Variants in TMTC4 observed in about 807,000 individuals in gnomAD.
The protein encoded by TMTC4 is protein O-mannosyl-transferase TMTC4.
TMTC4 carries 65 observed loss-of-function variants against 86.0 expected under a neutral mutation model. The ratio of observed to expected loss-of-function variants is 0.76; its 90% CI spans 0.62 to 0.93. The LOEUF is 0.93. Ranked by LOEUF, TMTC4 falls within the 40% of genes least tolerant of loss-of-function variation. The pLI, the probability that TMTC4 is intolerant of heterozygous loss-of-function variation, is 0.00. For synonymous variants in TMTC4, 379 were observed against 382.5 expected (o/e 0.99, Z 0.11); for missense variants, 866 against 948.1 (o/e 0.91, Z 1.14).
chr13:100,625,763 T>C lies in TMTC4; in HGVS notation c.1694+22A>G. 4 of 1,610,892 alleles carry C rather than the reference T, an allele frequency of 2.5e-6. 1 individual carries two copies. The South Asian group carries it at 4.4e-5, about 18-fold the overall frequency. On this transcript the variant is annotated intron_variant, in intron 14 of 18. Coordinates refer to ENST00000342624, the MANE Select transcript of TMTC4 (RefSeq NM_032813.5). ...GGAGCTCCTTTCTTTGTCACTAGCA[T>C]AATTATAAAAACAATGCTTACTGTA... is the stretch of plus-strand genomic sequence containing the variant.
chr13:100,669,736 G>C (rs541656532), intron 2 of TMTC4, among the ~76,000 whole-genome samples: 1 of 151,876 alleles, frequency 6.6e-6, no homozygotes, highest in Non-Finnish European at 1.5e-5. Flanking sequence ...CTTGGAATTC[G>C]CCAAAACAAA....
upstream of TMTC4, chr13:100,674,863 C>A (rs538005073): frequency 1.9e-5 from 19 of 977,176 alleles, no homozygotes; most frequent in Admixed American, 6.2e-5. Context: ...CGACCCCCCC[C>A]GCGCCGCGCC....
chr13:100,637,197 T>C (rs1373719669), intron 9 of TMTC4, among the ~76,000 whole-genome samples: 1 of 152,156 alleles, frequency 6.6e-6, no homozygotes, highest in African/African-American at 2.4e-5. Flanking sequence ...ACTAGTCTTC[T>C]AAAGATACCA....
intron 6 of TMTC4, among the ~76,000 whole-genome samples, chr13:100,651,587 G>A (rs1009057373): frequency 1.3e-5 from 2 of 150,558 alleles, no homozygotes; most frequent in Non-Finnish European, 2.9e-5. Flanking sequence ...GATTCCAGAG[G>A]TTAGGACAGA....
At chr13:100,621,117 A>ATCT (rs1307895833) in intron 15 of TMTC4, among the ~76,000 whole-genome samples, 2 of 152,250 alleles carry the variant, frequency 1.3e-5, no homozygotes, top group Non-Finnish European at 2.9e-5. Context: ...GCTACAGATG[A>ATCT]TCTTCCAAGT....
chr13:100,668,878 T>C (rs1211464015), intron 2 of TMTC4, 84 bp from the exon 3 acceptor site: 7 of 1,303,164 alleles, frequency 5.4e-6, no homozygotes, highest in East Asian at 4.8e-5. Flanking sequence ...AAGAGCTAGA[T>C]AGTCATTTAT....
In TMTC4 at chr13:100,626,168, T is replaced by G; in HGVS notation, c.1507-18A>C. 1 of 1,613,526 alleles carries G rather than the reference T, an allele frequency of 6.2e-7. No individual in the cohort carries two copies. The highest frequency in any genetic ancestry group is 8.5e-7 in the Non-Finnish European group (1 of 1,179,490). Reference sequence around the variant, plus strand: ...TAGTGAACCTGCAGACAGAGAATAATTGGGCCATCAGCAGACAGACTTCTT... The same window carrying G: ...TAGTGAACCTGCAGACAGAGAATAAGTGGGCCATCAGCAGACAGACTTCTT... On this transcript the variant is annotated intron_variant, in intron 12 of 18. Transcript: ENST00000342624.
chr13:100,606,494 T>C, intron 17 of TMTC4, 67 bp from the exon 18 acceptor site: 2 of 1,343,880 alleles, frequency 1.5e-6, no homozygotes, highest in Non-Finnish European at 2.1e-6. Flanking sequence ...TTCCCAGTTT[T>C]ATCACCTACG....
At chr13:100,632,047 ACACACACTCTCTCTCTCT>A (rs1487017106) in intron 12 of TMTC4, among the ~76,000 whole-genome samples, 155 of 63,386 alleles carry the variant, frequency 2.4e-3, no homozygotes, top group East Asian at 5.3e-3. Context: ...ACACACACAC[ACACACACTCTCTCTCTCT>A]CTCTCTCTCT....
chr13:100,644,009 C>T (rs536828938), intron 6 of TMTC4, among the ~76,000 whole-genome samples: 8 of 152,068 alleles, frequency 5.3e-5, no homozygotes, highest in Admixed American at 5.2e-4. Context: ...CTTGTGAATA[C>T]TTGAGATAGA....
intron 7 of TMTC4, among the ~76,000 whole-genome samples, chr13:100,641,766 C>T (rs1021423884): frequency 1.3e-5 from 2 of 152,198 alleles, no homozygotes; most frequent in African/African-American, 2.4e-5. Context: ...GGATTACAGG[C>T]GTGAGCCATG....
intron 15 of TMTC4, among the ~76,000 whole-genome samples, chr13:100,621,682 T>C (rs900074107): frequency 3.9e-5 from 6 of 152,108 alleles, no homozygotes. Flanking sequence ...GCCTCGGCCT[T>C]CCAAAGTGCT....
In TMTC4 at chr13:100,623,823, T is replaced by C. The variant is rs779692278; in HGVS notation, c.1836+1712A>G. 70 of 442,758 alleles carry C rather than the reference T, an allele frequency of 1.6e-4. 1 individual carries two copies. Among genetic ancestry groups the C allele is most frequent in the Middle Eastern group, 7.0e-4 (2 of 2,862 alleles). The allele number at this position is 442,758 out of a possible 1,614,324, so 27.4% of individuals were successfully genotyped here. The stretch of plus-strand genomic sequence containing the variant: ...AGCTGGGGCATTGCTGGGTCTTGCC[T>C]TTGTGCGGCCAAAACCAGATGACAG... On this transcript the variant is annotated intron_variant, in intron 15 of 18. Transcript: ENST00000342624.
intron 3 of TMTC4, among the ~76,000 whole-genome samples, chr13:100,668,127 A>C (rs1350109206): frequency 6.6e-6 from 1 of 152,146 alleles, no homozygotes; most frequent in East Asian, 1.9e-4. Context: ...GAGAAGGACA[A>C]AGCGGCAGCC....
intron 7 of TMTC4, among the ~76,000 whole-genome samples, chr13:100,639,542 A>G (rs1882741792): frequency 1.3e-5 from 2 of 152,222 alleles, no homozygotes; most frequent in Non-Finnish European, 2.9e-5. Flanking sequence ...TCTTAAATGC[A>G]TCATCAAAAT....
chr13:100,633,895 T>C (rs919562103), intron 12 of TMTC4, among the ~76,000 whole-genome samples: 2 of 152,144 alleles, frequency 1.3e-5, no homozygotes, highest in South Asian at 2.1e-4. Flanking sequence ...AATCCCAGCA[T>C]CTGGGAGGCT....
Position 100,604,527 on chromosome 13 carries a change from T to TA in TMTC4, c.*466dup, listed in dbSNP as rs1404536770. 1 of 152,248 alleles carries TA rather than the reference T, an allele frequency of 6.6e-6. No homozygotes were observed. Among genetic ancestry groups the TA allele is most frequent in the Non-Finnish European group, 1.5e-5 (1 of 68,096 alleles). The allele number at this position is 152,248 out of a possible 1,614,324, so 9.4% of individuals were successfully genotyped here. The stretch of plus-strand genomic sequence containing the variant: ...AGTATGTTGTTTTAAAAAAAAGAGA[T>TA]AAAAAAACTTAATTTGCTTTGTCAT... On this transcript the variant is annotated 3_prime_UTR_variant, in exon 19 of 19. Coordinates refer to ENST00000342624, the MANE Select transcript of TMTC4 (RefSeq NM_032813.5).
At chr13:100,645,657 G>C (rs1302143880) in intron 6 of TMTC4, among the ~76,000 whole-genome samples, 5 of 152,086 alleles carry the variant, frequency 3.3e-5, no homozygotes, top group Non-Finnish European at 7.4e-5. Flanking sequence ...GGTGAGCCTT[G>C]TTCACTGACT....
chr13:100,656,541 A>AATTTTTTTTTTTTTTTTTTTTTT, intron 5 of TMTC4, 73 bp from the exon 6 acceptor site: 1 of 462,948 alleles, frequency 2.2e-6, no homozygotes. Context: ...AGGAGACATA[A>AATTTTTTTTTTTTTTTTTTTTTT]CTTTTTTTTT....
Sources: allele counts gnomAD v4.1 joint callset (sites outside exome capture counted in the v4.1 genomes callset), GRCh38; gene constraint gnomAD v4.1.1; transcripts MANE v1.5; gene names NCBI Gene and HGNC (gene_info 2026-07-23, HGNC 2026-07-21).